SYNPR: variants seen among roughly 807,000 people sequenced by gnomAD.
The protein encoded by SYNPR is synaptoporin.
In SYNPR, 23 loss-of-function variants were observed where a neutral mutation model predicts 32.9. The observed-to-expected ratio is 0.70, with a 90% CI of 0.50 to 0.99. SYNPR has a LOEUF of 0.99. Among genes scored for constraint, SYNPR ranks in the 50% least tolerant of loss-of-function variants. SYNPR has a pLI of 0.00. For synonymous variants in SYNPR, 146 were observed against 135.9 expected (o/e 1.07, Z -0.52); for missense variants, 318 against 349.3 (o/e 0.91, Z 0.71).
intron 4 of SYNPR, among the ~76,000 whole-genome samples, chr3:63,585,554 C>T (rs981453568): frequency 3.3e-5 from 5 of 151,700 alleles, no homozygotes; most frequent in African/African-American, 1.2e-4. Context: ...GAGAAACAGA[C>T]ACATACACGT....
chr3:63,501,111 C>T (rs549683368), intron 3 of SYNPR, among the ~76,000 whole-genome samples: 2 of 152,166 alleles, frequency 1.3e-5, no homozygotes, highest in Non-Finnish European at 1.5e-5. Flanking sequence ...CATTATTATT[C>T]GCACTGGTGA....
intron 2 of SYNPR, among the ~76,000 whole-genome samples, chr3:63,373,151 G>A (rs970914682): frequency 1.7e-4 from 26 of 152,118 alleles, no homozygotes; most frequent in Non-Finnish European, 8.8e-5. Flanking sequence ...AATAACTCTG[G>A]CAGCTCAAAA....
At chr3:63,450,916 T>A (rs1003234717) in intron 2 of SYNPR, among the ~76,000 whole-genome samples, 2 of 152,170 alleles carry the variant, frequency 1.3e-5, no homozygotes, top group Non-Finnish European at 2.9e-5. Flanking sequence ...GCCTTTCAAG[T>A]ATATTGCTCT....
intron 3 of SYNPR, among the ~76,000 whole-genome samples, chr3:63,483,657 A>C (rs1233010411): frequency 6.6e-6 from 1 of 152,178 alleles, no homozygotes; most frequent in Non-Finnish European, 1.5e-5. Flanking sequence ...TTCCAGTGAG[A>C]TGAAATGATA....
intron 2 of SYNPR, among the ~76,000 whole-genome samples, chr3:63,468,547 T>C (rs1700731476): frequency 6.7e-6 from 1 of 150,090 alleles, no homozygotes; most frequent in African/African-American, 2.5e-5. Context: ...GGCTCACGCC[T>C]GTAATCTCAA....
At chr3:63,511,739 G>T (rs201315503) in intron 3 of SYNPR, among the ~76,000 whole-genome samples, 1 of 151,978 alleles carries the variant, frequency 6.6e-6, no homozygotes, top group Non-Finnish European at 1.5e-5. Flanking sequence ...ATAATTATTG[G>T]CTCTCAAGTG....
intron 5 of SYNPR, among the ~76,000 whole-genome samples, chr3:63,614,920 C>T (rs1367729843): frequency 4.6e-5 from 7 of 152,152 alleles, no homozygotes; most frequent in Admixed American, 1.3e-4. Flanking sequence ...GCAAGCCACG[C>T]GACCTTAGAC....
chr3:63,452,730 A>G (rs1229786993), intron 2 of SYNPR, among the ~76,000 whole-genome samples: 3 of 152,138 alleles, frequency 2.0e-5, no homozygotes, highest in Non-Finnish European at 4.4e-5. Flanking sequence ...CACATTGTGT[A>G]TATGGTGACT....
intron 1 of SYNPR, among the ~76,000 whole-genome samples, chr3:63,235,517 C>T (rs2086194269): frequency 6.6e-6 from 1 of 151,992 alleles, no homozygotes; most frequent in Non-Finnish European, 1.5e-5. Flanking sequence ...ATTTTTGGGC[C>T]CCACTCTTGA....
At chr3:63,587,544 C>T (rs1575725124) in intron 4 of SYNPR, among the ~76,000 whole-genome samples, 1 of 151,938 alleles carries the variant, frequency 6.6e-6, no homozygotes, top group East Asian at 1.9e-4. Context: ...AGTTTCTTCC[C>T]ATTTTAATAT....
rs143848975 is a variant in SYNPR at position 63,269,256 on chromosome 3, A to G, written n.287+1807A>G. On this transcript the variant is annotated intron_variant and non_coding_transcript_variant, in intron 3 of 4. Coordinates refer to the SYNPR transcript ENST00000478456. The stretch of plus-strand genomic sequence containing the variant: ...GTAATTTCAGCACTTTGGGAGGCCA[A>G]GGTGGATGGATCACTAGAGGCCAGG... Among the ~76,000 whole-genome samples, 563 of 152,314 alleles carry G rather than the reference A, an allele frequency of 3.7e-3. 2 individuals carry two copies. Among genetic ancestry groups the G allele is most frequent in the African/African-American group, 0.012 (496 of 41,572 alleles).
At chr3:63,446,284 T>C (rs1175994659) in intron 2 of SYNPR, among the ~76,000 whole-genome samples, 2 of 151,870 alleles carry the variant, frequency 1.3e-5, no homozygotes, top group Non-Finnish European at 2.9e-5. Context: ...CACCATGTTT[T>C]TTTTTTTTTT....
the SYNPR span, among the ~76,000 whole-genome samples, chr3:63,201,623 A>G: frequency 6.6e-6 from 1 of 152,168 alleles, no homozygotes; most frequent in East Asian, 1.9e-4. Flanking sequence ...GATGGAAGGG[A>G]AGGAGATAGA....
At chr3:63,393,812 C>T (rs565043621) in intron 2 of SYNPR, among the ~76,000 whole-genome samples, 1 of 152,142 alleles carries the variant, frequency 6.6e-6, no homozygotes, top group East Asian at 1.9e-4. Flanking sequence ...TGGCTTGTTT[C>T]TCGATATTGT....
chr3:63,367,979 G>A (rs368187729), intron 2 of SYNPR, among the ~76,000 whole-genome samples: 1 of 152,080 alleles, frequency 6.6e-6, no homozygotes, highest in Non-Finnish European at 1.5e-5. Context: ...GGAAATTAGG[G>A]GCATAGGATC....
upstream of SYNPR, among the ~76,000 whole-genome samples, chr3:63,276,867 G>T (rs528630654): frequency 4.7e-5 from 7 of 150,104 alleles, no homozygotes; most frequent in Non-Finnish European, 1.0e-4. Flanking sequence ...ACTGATTTCC[G>T]TATTTCTCAT....
chr3:63,555,105 C>G (rs1438804308), intron 3 of SYNPR, among the ~76,000 whole-genome samples: 1 of 151,802 alleles, frequency 6.6e-6, no homozygotes, highest in Non-Finnish European at 1.5e-5. Flanking sequence ...TTTTAGTAGG[C>G]TTTTAGCAGA....
chr3:63,330,680 C>T (rs2087218316), intron 2 of SYNPR, among the ~76,000 whole-genome samples: 2 of 152,006 alleles, frequency 1.3e-5, no homozygotes, highest in South Asian at 4.1e-4. Context: ...AGTTTTAATT[C>T]CTTTAATCTA....
intron 2 of SYNPR, among the ~76,000 whole-genome samples, chr3:63,363,970 T>A (rs2087698021): frequency 6.6e-6 from 1 of 152,188 alleles, no homozygotes; most frequent in Non-Finnish European, 1.5e-5. Context: ...CACAACCTTA[T>A]TACTTCTATT....
Sources: allele counts gnomAD v4.1 joint callset (sites outside exome capture counted in the v4.1 genomes callset), GRCh38; gene constraint gnomAD v4.1.1; transcripts MANE v1.5; gene names NCBI Gene and HGNC (gene_info 2026-07-23, HGNC 2026-07-21).